SEMA3E: variants seen among roughly 807,000 people sequenced by gnomAD.
SEMA3E encodes the protein semaphorin-3E.
A neutral mutation model predicts 93.6 loss-of-function variants in SEMA3E; 49 were observed. The observed-to-expected ratio is 0.52, with a 90% confidence interval of 0.42 to 0.66. The LOEUF is 0.66. Among genes scored for constraint, SEMA3E ranks in the 30% least tolerant of loss-of-function variants. The pLI, the probability that SEMA3E is intolerant of heterozygous loss-of-function variation, is 0.00. For missense variants in SEMA3E, 906 were observed against 964.8 expected (o/e 0.94, Z 0.81); for synonymous variants, 363 against 330.7 (o/e 1.10, Z -1.06).
At chr7:83,372,378 A>G (rs1011375950) in intron 16 of SEMA3E, 2 of 397,178 alleles carry the variant, frequency 5.0e-6, no homozygotes, top group African/African-American at 4.1e-5. Context: ...AATACATGAG[A>G]AAATATTAAA....
chr7:83,439,377 T>C (rs1789065451), intron 4 of SEMA3E, among the ~76,000 whole-genome samples: 1 of 152,216 alleles, frequency 6.6e-6, no homozygotes, highest in South Asian at 2.1e-4. Flanking sequence ...GCTGCAGCCA[T>C]ATAGCTCTCT....
chr7:83,624,272 T>C (rs1793624850), intron 1 of SEMA3E, among the ~76,000 whole-genome samples: 1 of 152,216 alleles, frequency 6.6e-6, no homozygotes, highest in South Asian at 2.1e-4. Context: ...ATGGTATTTC[T>C]AGTTGTAGGT....
At position 83,603,131 on chromosome 7, in the gene SEMA3E, A is replaced by G. The variant is rs58346975; in HGVS notation, c.115+45297T>C. ...CTCCAACCCAATATTGTATTTCTTT[A>G]TGATATACCACTAACCCAGTGGTCC... On this transcript the variant is annotated intron_variant, in intron 1 of 16. Coordinates refer to ENST00000643230, the MANE Select transcript of SEMA3E (RefSeq NM_012431.3). Among the ~76,000 whole-genome samples, 840 of 152,292 alleles carry G rather than the reference A, an allele frequency of 5.5e-3. 5 individuals are homozygous for G. The highest frequency in any genetic ancestry group is 0.019 in the African/African-American group (777 of 41,566).
rs545498480 is a variant in SEMA3E, at chr7:83,618,980, T to C, written c.115+29448A>G. Among the ~76,000 whole-genome samples the C allele has an allele frequency of 2.6e-5, 4 of 151,982 alleles. No individual in the cohort carries two copies. The South Asian group carries it at 6.2e-4, about 24-fold the overall frequency. On this transcript the variant is annotated intron_variant, in intron 1 of 16. Transcript: ENST00000643230. ...AAAACATACCCATCATACATTCTTA[T>C]ATAGTGGCTCAAAAATGGTCCAAAA... is the stretch of plus-strand genomic sequence containing the variant.
intron 1 of SEMA3E, among the ~76,000 whole-genome samples, chr7:83,564,502 CTGT>C (rs1792101271): frequency 6.6e-6 from 1 of 152,116 alleles, no homozygotes; most frequent in East Asian, 1.9e-4. Context: ...CTATTTTGTA[CTGT>C]TGTTAGTATA....
intron 1 of SEMA3E, among the ~76,000 whole-genome samples, chr7:83,599,888 A>T (rs2115977109): frequency 6.6e-6 from 1 of 152,364 alleles, no homozygotes; most frequent in East Asian, 1.9e-4. Context: ...GAAATGTTAG[A>T]GGCGGAACCC....
chr7:83,422,368 A>G (rs903057988), intron 4 of SEMA3E, among the ~76,000 whole-genome samples: 5 of 152,174 alleles, frequency 3.3e-5, no homozygotes, highest in African/African-American at 7.2e-5. Context: ...TGCAGATGGC[A>G]GTTTGCAATG....
intron 5 of SEMA3E, among the ~76,000 whole-genome samples, chr7:83,412,590 T>C (rs966624764): frequency 3.3e-5 from 5 of 151,446 alleles, no homozygotes; most frequent in African/African-American, 9.7e-5. Flanking sequence ...CTACAAATAA[T>C]AATAATAATG....
chr7:83,503,694 A>G (rs1208601111), intron 1 of SEMA3E, among the ~76,000 whole-genome samples: 1 of 152,228 alleles, frequency 6.6e-6, no homozygotes, highest in East Asian at 1.9e-4. Flanking sequence ...TGTGATGAAA[A>G]CTATAAGCAA....
chr7:83,500,893 T>C (rs1281614828), intron 1 of SEMA3E, among the ~76,000 whole-genome samples: 2 of 152,148 alleles, frequency 1.3e-5, no homozygotes, highest in Non-Finnish European at 2.9e-5. Context: ...GCCCGGCCTC[T>C]TCCTTTCAAA....
At chr7:83,433,139 G>A (rs1788925799) in intron 4 of SEMA3E, among the ~76,000 whole-genome samples, 1 of 152,020 alleles carries the variant, frequency 6.6e-6, no homozygotes, top group African/African-American at 2.4e-5. Flanking sequence ...CTTTGCACTA[G>A]TACCAAACTC....
intron 1 of SEMA3E, among the ~76,000 whole-genome samples, chr7:83,511,504 A>G (rs1211355012): frequency 1.3e-5 from 2 of 152,124 alleles, no homozygotes; most frequent in African/African-American, 4.8e-5. Flanking sequence ...CTAAGTGGGT[A>G]AGGGTCTAGA....
At chr7:83,472,190 T>C (rs1167509356) in intron 2 of SEMA3E, among the ~76,000 whole-genome samples, 1 of 152,196 alleles carries the variant, frequency 6.6e-6, no homozygotes, top group Non-Finnish European at 1.5e-5. Flanking sequence ...CTCTCCGAAA[T>C]GGCTACATGT....
intron 4 of SEMA3E, among the ~76,000 whole-genome samples, chr7:83,466,132 C>T (rs1252764843): frequency 1.3e-5 from 2 of 152,158 alleles, no homozygotes; most frequent in Non-Finnish European, 2.9e-5. Flanking sequence ...TGTACACACA[C>T]ATACACACCC....
chr7:83,417,027 A>G (rs1411015033), intron 5 of SEMA3E, among the ~76,000 whole-genome samples: 1 of 151,452 alleles, frequency 6.6e-6, no homozygotes, highest in Admixed American at 6.6e-5. Flanking sequence ...GGAGAGAGAG[A>G]GAGAGAGAGA....
At position 83,387,053 on chromosome 7, in the gene SEMA3E, G is replaced by A. The variant is rs1787896148; in HGVS notation, c.1668-3C>T. 6.2e-7 allele frequency: 1 copy of A among 1,612,528 alleles called. No individual in the cohort carries two copies. The highest frequency in any genetic ancestry group is 1.7e-5 in the Admixed American group (1 of 59,918). On this transcript the variant is annotated splice_polypyrimidine_tract_variant and splice_region_variant and intron_variant, in intron 14 of 16. Coordinates refer to ENST00000643230, the MANE Select transcript of SEMA3E (RefSeq NM_012431.3). ...GAACATCTTGTCTCCGGAAACGCCT[G>A]AAAGAAAGTAAATGCATTTAGATGT...
intron 2 of SEMA3E, among the ~76,000 whole-genome samples, chr7:83,488,033 G>A (rs1790302307): frequency 6.6e-6 from 1 of 151,956 alleles, no homozygotes. Flanking sequence ...CTAACTGCTT[G>A]CAAGGTGACA....
At chr7:83,504,337 T>C (rs560868816) in intron 1 of SEMA3E, among the ~76,000 whole-genome samples, 4 of 152,192 alleles carry the variant, frequency 2.6e-5, no homozygotes, top group African/African-American at 4.8e-5. Flanking sequence ...ACAAAGAAAA[T>C]AACACTGTTG....
intron 1 of SEMA3E, among the ~76,000 whole-genome samples, chr7:83,580,812 C>G (rs947005238): frequency 4.0e-5 from 6 of 151,814 alleles, no homozygotes; most frequent in African/African-American, 1.2e-4. Flanking sequence ...AACTTCTTTT[C>G]CAAACAAATA....
Sources: gnomAD v4.1 joint callset for allele counts (sites outside exome capture counted in the v4.1 genomes callset) on GRCh38, gnomAD v4.1.1 for gene constraint, MANE v1.5 for transcripts, NCBI Gene and HGNC (gene_info 2026-07-23, HGNC 2026-07-21) for gene names.